HMGA1: variants seen among roughly 807,000 people sequenced by gnomAD.
HMGA1 encodes the protein high mobility group protein HMG-I/HMG-Y.
Under a neutral mutation model 15.1 loss-of-function variants are expected in HMGA1, and 1 was observed. The observed-to-expected ratio is 0.07, with a 90% CI of 0.02 to 0.31. HMGA1 has a LOEUF of 0.31. Ranked by LOEUF, HMGA1 falls within the 10% of genes least tolerant of loss-of-function variation. The pLI, the probability that HMGA1 is intolerant of heterozygous loss-of-function variation, is 1.00. For missense variants in HMGA1, 94 were observed against 141.4 expected (o/e 0.66, Z 1.70); for synonymous variants, 56 against 54.8 (o/e 1.02, Z -0.10).
chr6:34,244,482 C>G (rs1762558705), intron 5 of HMGA1, among the ~76,000 whole-genome samples: 1 of 152,140 alleles, frequency 6.6e-6, no homozygotes, highest in Non-Finnish European at 1.5e-5. Flanking sequence ...ATTTCCTCCC[C>G]CAGCCACCTC....
chr6:34,243,413 G>T, intron 4 of HMGA1, 55 bp from the exon 5 acceptor site: 2 of 1,378,352 alleles, frequency 1.5e-6, no homozygotes, highest in East Asian at 2.3e-5. Context: ...ATTGGGCATC[G>T]GGTGAGCACT....
At chr6:34,240,627 G>A (rs2127542026) in intron 2 of HMGA1, 110 bp from the exon 3 acceptor site, 3 of 871,516 alleles carry the variant, frequency 3.4e-6, no homozygotes, top group Non-Finnish European at 5.5e-6. Context: ...GAGGCCTGGG[G>A]GCCCATGGGA....
At position 34,245,273 on chromosome 6, in the gene HMGA1, CTG is replaced by C. The variant is rs1335884980; in HGVS notation, c.*391_*392del. On this transcript the variant is annotated 3_prime_UTR_variant, in exon 6 of 6. Coordinates refer to ENST00000311487, the MANE Select transcript of HMGA1 (RefSeq NM_145899.3). ...TGGGGGCGCCCTCTCTGCTCCTTCA[CTG>C]TTCCCTCTGGCTTCCCATAGTGGGG... 7.3e-7 allele frequency: 1 copy of C among 1,374,410 alleles called. No homozygotes were observed. The highest frequency in any genetic ancestry group is 9.6e-7 in the Non-Finnish European group (1 of 1,041,950). The allele number at this position is 1,374,410 out of a possible 1,614,324, so 85.1% of individuals were successfully genotyped here.
At chr6:34,241,033 G>A (rs1762263587) in intron 3 of HMGA1, 118 bp downstream of exon 3, 1 of 1,188,138 alleles carries the variant, frequency 8.4e-7, no homozygotes, top group African/African-American at 1.5e-5. Flanking sequence ...TGCGCAGTAA[G>A]CGTGTGGGTG....
chr6:34,237,654 C>G (rs1223752377), intron 2 of HMGA1, among the ~76,000 whole-genome samples: 1 of 145,168 alleles, frequency 6.9e-6, no homozygotes, highest in Non-Finnish European at 1.5e-5. Flanking sequence ...AGGAGCCCGG[C>G]GCACCTCGCG....
chr6:34,238,536 C>T (rs944624112), intron 2 of HMGA1, among the ~76,000 whole-genome samples: 27 of 152,328 alleles, frequency 1.8e-4, no homozygotes, highest in African/African-American at 5.3e-4. Context: ...AGATAATTTC[C>T]TAGGGCCTTT....
In HMGA1 at chr6:34,245,577, C is replaced by T; in HGVS notation, c.*693C>T. The T allele has an allele frequency of 7.2e-7, 1 of 1,380,810 alleles. No homozygotes were observed. The highest frequency in any genetic ancestry group is 9.7e-7 in the Non-Finnish European group (1 of 1,035,902). The allele number at this position is 1,380,810 out of a possible 1,614,324, so 85.5% of individuals were successfully genotyped here. A position where few individuals can be genotyped will look rare whatever the true frequency, so the allele number is the denominator to read the frequency against. On this transcript the variant is annotated 3_prime_UTR_variant, in exon 6 of 6. Transcript: ENST00000311487. ...CCCTCTTCACTGTGGCCACAGCCCC[C>T]TTGCCCTCCGCCTGGGATCTGAGTA...
chr6:34,241,413 C>T (rs866181874), intron 3 of HMGA1, among the ~76,000 whole-genome samples: 5 of 152,320 alleles, frequency 3.3e-5, no homozygotes, highest in South Asian at 2.1e-4. Flanking sequence ...AGGTGAGAAA[C>T]GGGTGCCTGC....
chr6:34,241,265 A>G (rs768130934), intron 3 of HMGA1, among the ~76,000 whole-genome samples: 2 of 152,222 alleles, frequency 1.3e-5, no homozygotes, highest in Non-Finnish European at 2.9e-5. Flanking sequence ...TTTAAAATGC[A>G]GTAAAGACGA....
At chr6:34,244,788 G>A in intron 5 of HMGA1, 43 bp from the exon 6 acceptor site, 1 of 1,528,790 alleles carries the variant, frequency 6.5e-7, no homozygotes, top group Non-Finnish European at 8.9e-7. Flanking sequence ...GTGGAAGAGG[G>A]GGACCGGGCC....
At chr6:34,239,262 T>C (rs1043320748) in intron 2 of HMGA1, among the ~76,000 whole-genome samples, 3 of 151,098 alleles carry the variant, frequency 2.0e-5, no homozygotes, top group African/African-American at 7.4e-5. Context: ...AAAAACTCTT[T>C]TTCTTCTTTT....
chr6:34,241,859 A>G (rs1435516916), intron 3 of HMGA1, among the ~76,000 whole-genome samples: 1 of 152,166 alleles, frequency 6.6e-6, no homozygotes, highest in Non-Finnish European at 1.5e-5. Context: ...ACCTGGGCCC[A>G]GGGAGACACG....
intron 2 of HMGA1, among the ~76,000 whole-genome samples, chr6:34,237,716 T>C (rs1308127563): frequency 1.8e-5 from 2 of 113,344 alleles, no homozygotes; most frequent in Admixed American, 8.2e-5. Context: ...CGGGCCCGGG[T>C]GAGGGGCGGG....
chr6:34,237,681 T>TGGAACC (rs1554142047), intron 2 of HMGA1, among the ~76,000 whole-genome samples: 1 of 83,086 alleles, frequency 1.2e-5, no homozygotes, highest in Non-Finnish European at 3.0e-5. Flanking sequence ...CCGCTCCCGC[T>TGGAACC]GGAGCCGGAG....
Position 34,240,599 on chromosome 6 carries a change from C to T in HMGA1, c.-44-138C>T, listed in dbSNP as rs73419166. On this transcript the variant is annotated intron_variant, in intron 2 of 5. Coordinates refer to ENST00000311487, the MANE Select transcript of HMGA1 (RefSeq NM_145899.3). ...AGCATCTGGGGGTGGGCAGACCCCT[C>T]CATCCTGGGCAGAGTAGGAGGCCTG... 2.7e-3 allele frequency: 1,935 copies of T among 714,714 alleles called. 13 individuals are homozygous for T. In the African/African-American group the frequency reaches 0.029, roughly 11 times the overall value. The allele number at this position is 714,714 out of a possible 1,614,324, so 44.3% of individuals were successfully genotyped here. A position where few individuals can be genotyped will look rare whatever the true frequency, so the allele number is the denominator to read the frequency against.
At chr6:34,238,467 C>T (rs1392187716) in intron 2 of HMGA1, among the ~76,000 whole-genome samples, 1 of 152,200 alleles carries the variant, frequency 6.6e-6, no homozygotes, top group South Asian at 2.1e-4. Context: ...TTAGGCAACT[C>T]AAGGCTTCTC....
At chr6:34,239,727 C>T (rs1762143001) in intron 2 of HMGA1, among the ~76,000 whole-genome samples, 1 of 152,138 alleles carries the variant, frequency 6.6e-6, no homozygotes, top group African/African-American at 2.4e-5. Flanking sequence ...CTTTTTAAGC[C>T]TGTAATACAG....
chr6:34,243,064 G>A (rs1321929869), intron 4 of HMGA1, among the ~76,000 whole-genome samples: 1 of 152,152 alleles, frequency 6.6e-6, no homozygotes, highest in Admixed American at 6.5e-5. Flanking sequence ...CTAGAGAAGG[G>A]CAGAGTGGGG....
intron 2 of HMGA1, among the ~76,000 whole-genome samples, chr6:34,239,436 C>T (rs922251993): frequency 6.6e-6 from 1 of 152,024 alleles, no homozygotes; most frequent in Non-Finnish European, 1.5e-5. Flanking sequence ...TGGTCTAGTT[C>T]TTATTTTGGT....
Sources: allele counts gnomAD v4.1 joint callset (sites outside exome capture counted in the v4.1 genomes callset), GRCh38; gene constraint gnomAD v4.1.1; transcripts MANE v1.5; gene names NCBI Gene and HGNC (gene_info 2026-07-23, HGNC 2026-07-21).